The following PTPRM variants were observed in gnomAD, a reference collection of about 807,000 sequenced individuals.
PTPRM encodes receptor-type tyrosine-protein phosphatase mu.
In PTPRM, 47 loss-of-function variants were observed where a neutral mutation model predicts 186.7. The ratio of observed to expected loss-of-function variants is 0.25; its 90% confidence interval spans 0.20 to 0.32. The LOEUF (loss-of-function observed/expected upper bound fraction) is 0.32. PTPRM is among the 10% of genes least tolerant of loss of function. PTPRM has a pLI of 1.00. For synonymous variants in PTPRM, 668 were observed against 674.9 expected (o/e 0.99, Z 0.16); for missense variants, 1,494 against 1,865.0 (o/e 0.80, Z 3.66).
intron 1 of PTPRM, among the ~76,000 whole-genome samples, chr18:7,570,593 A>C (rs1313911302): frequency 2.0e-5 from 3 of 152,212 alleles, no homozygotes; most frequent in African/African-American, 7.2e-5. Context: ...GAGAGAAGTG[A>C]TTGTTAAAAG....
At chr18:7,838,735 T>C (rs896058690) in intron 2 of PTPRM, among the ~76,000 whole-genome samples, 1 of 152,214 alleles carries the variant, frequency 6.6e-6, no homozygotes, top group Non-Finnish European at 1.5e-5. Context: ...CAGTCAGGCC[T>C]GCCTCCTTCC....
In PTPRM at chr18:7,595,706, A is replaced by C. The variant is rs529504733; in HGVS notation, c.73+27815A>C. Among the ~76,000 whole-genome samples, 5 of 152,338 alleles carry C rather than the reference A, an allele frequency of 3.3e-5. No homozygotes were observed. The East Asian group carries it at 9.6e-4, about 29-fold the overall frequency. ...CTATCTGCATTTTAACATGTTTACT[A>C]TCAGCAATAGATGATGATCTTCATA... On this transcript the variant is annotated intron_variant, in intron 1 of 32. Transcript: ENST00000580170.
intron 2 of PTPRM, among the ~76,000 whole-genome samples, chr18:7,882,033 G>A (rs892121225): frequency 1.8e-4 from 28 of 152,194 alleles, no homozygotes; most frequent in African/African-American, 6.5e-4. Context: ...GGGTACCAAG[G>A]ATGCTATATT....
intron 14 of PTPRM, among the ~76,000 whole-genome samples, chr18:8,212,166 C>A (rs973594771): frequency 2.0e-5 from 3 of 152,122 alleles, no homozygotes; most frequent in African/African-American, 7.2e-5. Flanking sequence ...GGTGCCTGTG[C>A]CTGGTAGGAA....
At chr18:7,767,556 G>C (rs148233610) in intron 1 of PTPRM, among the ~76,000 whole-genome samples, 2 of 152,216 alleles carry the variant, frequency 1.3e-5, no homozygotes, top group East Asian at 3.9e-4. Flanking sequence ...ATGACTTAAT[G>C]ATTTCATACT....
At chr18:8,398,194 G>A (rs1039718136) in intron 32 of PTPRM, among the ~76,000 whole-genome samples, 3 of 151,938 alleles carry the variant, frequency 2.0e-5, no homozygotes, top group African/African-American at 7.3e-5. Context: ...GTTTTGCCCA[G>A]GCTGGTTTCA....
At chr18:8,221,773 A>T (rs1327039153) in intron 14 of PTPRM, among the ~76,000 whole-genome samples, 1 of 152,188 alleles carries the variant, frequency 6.6e-6, no homozygotes, top group Non-Finnish European at 1.5e-5. Flanking sequence ...TCCTCCTTAC[A>T]TATTTTAATT....
intron 19 of PTPRM, among the ~76,000 whole-genome samples, chr18:8,278,942 G>A (rs570401700): frequency 5.3e-5 from 8 of 152,150 alleles, no homozygotes; most frequent in Non-Finnish European, 1.2e-4. Flanking sequence ...TGTCTCAAGA[G>A]GGGGAGGGAT....
At position 8,309,721 on chromosome 18, in the gene PTPRM, T is replaced by C. The variant is rs373731987; in HGVS notation, c.2843-5060T>C. ...ATAGAGACAAGGTCTCTAAAAATAA[T>C]AATAAAAATGTCATGTTGCCCAGGC... On this transcript the variant is annotated intron_variant, in intron 20 of 32. Transcript: ENST00000580170. Among the ~76,000 whole-genome samples the C allele has an allele frequency of 9.2e-5, 14 of 152,210 alleles. No homozygotes were observed. In the East Asian group the frequency reaches 2.5e-3, roughly 27 times the overall value.
chr18:8,299,214 G>A (rs1226720898), intron 20 of PTPRM, among the ~76,000 whole-genome samples: 5 of 152,120 alleles, frequency 3.3e-5, no homozygotes, highest in South Asian at 2.1e-4. Flanking sequence ...TCCTGTACCC[G>A]TTGCTCGTCA....
intron 1 of PTPRM, among the ~76,000 whole-genome samples, chr18:7,691,195 C>T (rs1042633152): frequency 6.6e-6 from 1 of 151,894 alleles, no homozygotes. Context: ...AGTGCTTTTG[C>T]GTTTGGAAAT....
At chr18:7,875,460 A>G (rs1336844423) in intron 2 of PTPRM, among the ~76,000 whole-genome samples, 2 of 151,782 alleles carry the variant, frequency 1.3e-5, no homozygotes, top group Admixed American at 1.3e-4. Flanking sequence ...AGTAGCTGGA[A>G]CTACAGGCGT....
intron 1 of PTPRM, among the ~76,000 whole-genome samples, chr18:7,589,903 A>G (rs1376370445): frequency 1.3e-5 from 2 of 152,342 alleles, no homozygotes; most frequent in South Asian, 2.1e-4. Context: ...GAGAACAAGA[A>G]GCAGATAGAG....
chr18:7,571,631 A>G (rs1049208284), intron 1 of PTPRM, among the ~76,000 whole-genome samples: 1 of 152,258 alleles, frequency 6.6e-6, no homozygotes, highest in Non-Finnish European at 1.5e-5. Flanking sequence ...AATATATTAA[A>G]TGTTAACATA....
intron 23 of PTPRM, among the ~76,000 whole-genome samples, chr18:8,350,121 ACT>A (rs1381684311): frequency 6.6e-6 from 1 of 152,062 alleles, no homozygotes; most frequent in African/African-American, 2.4e-5. Context: ...GACCACTGCA[ACT>A]CTGACTGGCC....
chr18:7,905,330 G>T (rs1411512490), intron 3 of PTPRM, among the ~76,000 whole-genome samples: 3 of 152,050 alleles, frequency 2.0e-5, no homozygotes, highest in Non-Finnish European at 4.4e-5. Context: ...CTCTGAAGTG[G>T]CTCCACCATC....
chr18:7,984,602 T>TATAC (rs1214502563), intron 7 of PTPRM, among the ~76,000 whole-genome samples: 1,478 of 86,952 alleles, frequency 0.017, 22 homozygotes, highest in South Asian at 0.037. Flanking sequence ...TATATATATA[T>TATAC]ACACACACAC....
At position 8,215,489 on chromosome 18, in the gene PTPRM, CTTAA is replaced by C. The variant is rs144038524; in HGVS notation, c.2301-28566_2301-28563del. 4.4e-3 allele frequency among the ~76,000 whole-genome samples: 667 copies of C among 150,234 alleles called. 5 individuals are homozygous for C. The highest frequency in any genetic ancestry group is 0.015 in the African/African-American group (623 of 40,822). On this transcript the variant is annotated intron_variant, in intron 14 of 32. Transcript: ENST00000580170. ...ACTCAGTTATTCTTTCTCTCCTTGC[CTTAA>C]TTCTTTCCTTAAGTCCTACCTAGTG...
intron 32 of PTPRM, chr18:8,404,297 T>A (rs2095889647): frequency 6.6e-6 from 1 of 151,834 alleles, no homozygotes; most frequent in South Asian, 2.1e-4. Flanking sequence ...ATTGAAATGA[T>A]CTTCTTGTTC....
Sources: gnomAD v4.1 joint callset for allele counts (sites outside exome capture counted in the v4.1 genomes callset) on GRCh38, gnomAD v4.1.1 for gene constraint, MANE v1.5 for transcripts, NCBI Gene and HGNC (gene_info 2026-07-23, HGNC 2026-07-21) for gene names.